The following MCTP1 variants were observed in gnomAD, a reference collection of about 807,000 sequenced individuals.
MCTP1 encodes multiple C2 and transmembrane domain containing 1.
In MCTP1, 69 loss-of-function variants were observed where a neutral mutation model predicts 120.6. The observed-to-expected ratio is 0.57, with a 90% CI of 0.47 to 0.70. The LOEUF (loss-of-function observed/expected upper bound fraction) is 0.70, where lower values mean the gene tolerates loss of function less well. MCTP1 is among the 30% of genes least tolerant of loss of function. The pLI, the probability that MCTP1 is intolerant of heterozygous loss-of-function variation, is 0.00. For missense variants in MCTP1, 1,203 were observed against 1,248.8 expected (o/e 0.96, Z 0.55); for synonymous variants, 529 against 493.1 (o/e 1.07, Z -0.96).
At chr5:95,096,528 T>C (rs1756279799) in intron 1 of MCTP1, among the ~76,000 whole-genome samples, 1 of 151,990 alleles carries the variant, frequency 6.6e-6, no homozygotes, top group African/African-American at 2.4e-5. Flanking sequence ...ATAGAGTGCA[T>C]GTGAAGCAAG....
At chr5:94,728,911 G>A (rs1444390666) in intron 19 of MCTP1, among the ~76,000 whole-genome samples, 1 of 151,898 alleles carries the variant, frequency 6.6e-6, no homozygotes, top group Non-Finnish European at 1.5e-5. Flanking sequence ...AATATTTATT[G>A]AACACCAACT....
chr5:94,804,279 C>T (rs1048096998), intron 17 of MCTP1, among the ~76,000 whole-genome samples: 1 of 152,146 alleles, frequency 6.6e-6, no homozygotes, highest in South Asian at 2.1e-4. Flanking sequence ...CATCATAGGA[C>T]CCTGTGCAAG....
chr5:94,941,892 G>GGCAAAATCAGATTCTACCATGGCTCGAGT (rs1355345402), intron 4 of MCTP1, among the ~76,000 whole-genome samples: 4 of 152,100 alleles, frequency 2.6e-5, no homozygotes, highest in Non-Finnish European at 2.9e-5. Context: ...ATCCGGCAAT[G>GGCAAAATCAGATTCTACCATGGCTCGAGT]GCAAAATCAG....
intron 5 of MCTP1, among the ~76,000 whole-genome samples, chr5:94,935,354 A>T (rs2153489108): frequency 6.6e-6 from 1 of 152,140 alleles, no homozygotes; most frequent in African/African-American, 2.4e-5. Context: ...AAATCATCCC[A>T]ACTGCATAAT....
intron 17 of MCTP1, among the ~76,000 whole-genome samples, chr5:94,812,817 A>T (rs1380684488): frequency 6.6e-6 from 1 of 151,590 alleles, no homozygotes; most frequent in African/African-American, 2.4e-5. Context: ...TAGAACTAAA[A>T]CCATAAAACC....
intron 1 of MCTP1, among the ~76,000 whole-genome samples, chr5:95,136,625 C>A (rs150870969): frequency 1.3e-5 from 2 of 152,242 alleles, no homozygotes; most frequent in Non-Finnish European, 2.9e-5. Context: ...CGCTCTAGCT[C>A]ACAATAGAGT....
chr5:95,153,790 T>C (rs1214912790), intron 1 of MCTP1, among the ~76,000 whole-genome samples: 1 of 152,204 alleles, frequency 6.6e-6, no homozygotes, highest in African/African-American at 2.4e-5. Context: ...GGAGTGTTCC[T>C]TTGCCAAGAA....
chr5:94,949,743 T>A (rs1820013639), intron 3 of MCTP1, among the ~76,000 whole-genome samples: 1 of 152,160 alleles, frequency 6.6e-6, no homozygotes, highest in South Asian at 2.1e-4. Context: ...ATACTTAATG[T>A]GTTCTAACTA....
intron 1 of MCTP1, among the ~76,000 whole-genome samples, chr5:95,082,077 A>G (rs1418795729): frequency 1.3e-5 from 2 of 152,218 alleles, no homozygotes; most frequent in African/African-American, 2.4e-5. Context: ...CCATTTTAAC[A>G]TGCAAGAAGT....
chr5:94,775,283 T>C (rs377223670), intron 19 of MCTP1, among the ~76,000 whole-genome samples: 21 of 152,224 alleles, frequency 1.4e-4, no homozygotes, highest in Non-Finnish European at 2.8e-4. Flanking sequence ...TGCTTCCTGA[T>C]ATCGCAGCTG....
chr5:94,910,697 T>A (rs469922), intron 9 of MCTP1, among the ~76,000 whole-genome samples: 56,804 of 151,840 alleles, frequency 0.37, 11,181 homozygotes, highest in Middle Eastern at 0.46. Flanking sequence ...ATAAGTAATG[T>A]TTTTAGCCTA....
At chr5:94,709,766 C>T (rs1580188940) in intron 21 of MCTP1, 1 of 151,928 alleles carries the variant, frequency 6.6e-6, no homozygotes. Context: ...TTACCATTTC[C>T]CCCACCTCTC....
intron 17 of MCTP1, among the ~76,000 whole-genome samples, chr5:94,835,289 G>A (rs1789483209): frequency 1.3e-5 from 2 of 152,186 alleles, no homozygotes; most frequent in Non-Finnish European, 2.9e-5. Flanking sequence ...GAGTAGCTCA[G>A]TTATAAACCC....
intron 1 of MCTP1, among the ~76,000 whole-genome samples, chr5:95,045,192 T>C (rs1582006343): frequency 1.3e-5 from 2 of 152,312 alleles, no homozygotes; most frequent in Admixed American, 1.3e-4. Context: ...CCCAGGCTAT[T>C]GGCAGGACTA....
intron 1 of MCTP1, among the ~76,000 whole-genome samples, chr5:95,143,579 A>C (rs1760119410): frequency 6.6e-6 from 1 of 151,776 alleles, no homozygotes; most frequent in Non-Finnish European, 1.5e-5. Context: ...TCTAATAGTC[A>C]CCAGTTTCTA....
Position 94,707,420 on chromosome 5 carries a change from G to A in MCTP1, c.*76C>T. The A allele has an allele frequency of 1.8e-6, 2 of 1,099,796 alleles. No homozygotes were observed. Among genetic ancestry groups the A allele is most frequent in the South Asian group, 2.7e-5 (2 of 73,320 alleles). The allele number at this position is 1,099,796 out of a possible 1,614,324, so 68.1% of individuals were successfully genotyped here. On this transcript the variant is annotated 3_prime_UTR_variant, in exon 23 of 23. Transcript: ENST00000515393. Reference sequence around the variant, plus strand: ...AAATAAATAAAAAGCAGAAAGAAAGGAAATGCTGCTGAGGCTGAGGGCTTT... The same window carrying A: ...AAATAAATAAAAAGCAGAAAGAAAGAAAATGCTGCTGAGGCTGAGGGCTTT...
chr5:94,862,955 G>A (rs1463554704), intron 17 of MCTP1, among the ~76,000 whole-genome samples: 1 of 151,714 alleles, frequency 6.6e-6, no homozygotes, highest in African/African-American at 2.4e-5. Context: ...AGGAAGTTAG[G>A]GCAACCTTAA....
chr5:95,185,441 A>G (rs1041706804), intron 1 of MCTP1, among the ~76,000 whole-genome samples: 1 of 152,188 alleles, frequency 6.6e-6, no homozygotes, highest in Admixed American at 6.5e-5. Context: ...ATCAATTGGC[A>G]CAGAAAAGGC....
chr5:94,726,001 T>C (rs1762055686), intron 19 of MCTP1, among the ~76,000 whole-genome samples: 1 of 152,238 alleles, frequency 6.6e-6, no homozygotes, highest in Admixed American at 6.5e-5. Context: ...TTTTCTCCTT[T>C]ATATCTCAGG....
Sources: allele counts gnomAD v4.1 joint callset (sites outside exome capture counted in the v4.1 genomes callset), GRCh38; gene constraint gnomAD v4.1.1; transcripts MANE v1.5; gene names NCBI Gene and HGNC (gene_info 2026-07-23, HGNC 2026-07-21).